Variants in VPS13D observed in about 807,000 individuals in gnomAD.
The protein encoded by VPS13D is vacuolar protein sorting 13 homolog D, also known as intermembrane lipid transfer protein VPS13D.
VPS13D carries 187 observed loss-of-function variants against 461.9 expected under a neutral mutation model. The ratio of observed to expected loss-of-function variants is 0.40; its 90% CI spans 0.36 to 0.46. VPS13D has a LOEUF of 0.46. VPS13D is among the 20% of genes least tolerant of loss of function. VPS13D has a pLI of 0.60. For synonymous variants in VPS13D, 1,951 were observed against 1,986.3 expected (o/e 0.98, Z 0.47); for missense variants, 4,711 against 5,364.9 (o/e 0.88, Z 3.81).
chr1:12,362,628 A>AC, intron 50 of VPS13D, 92 bp from the exon 51 acceptor site: 1 of 1,271,036 alleles, frequency 7.9e-7, no homozygotes, highest in Non-Finnish European at 1.1e-6. Context: ...TCTCAGAGAA[A>AC]CTAAGTAACT....
intron 54 of VPS13D, among the ~76,000 whole-genome samples, chr1:12,372,876 C>T (rs557089458): frequency 6.6e-6 from 1 of 150,926 alleles, no homozygotes; most frequent in African/African-American, 2.4e-5. Context: ...CCAAACATCC[C>T]TAAGTGTAGC....
At chr1:12,249,383 C>G in intron 6 of VPS13D, 44 bp downstream of exon 6, 1 of 1,513,444 alleles carries the variant, frequency 6.6e-7, no homozygotes, top group Non-Finnish European at 9.1e-7. Flanking sequence ...AAGCCATGCT[C>G]TAGGAATCTG....
intron 18 of VPS13D, among the ~76,000 whole-genome samples, chr1:12,273,965 CTTTA>C (rs2101347419): frequency 6.6e-6 from 1 of 151,774 alleles, no homozygotes; most frequent in East Asian, 1.9e-4. Flanking sequence ...ATTTTTAATT[CTTTA>C]TTTACCTAGA....
intron 65 of VPS13D, among the ~76,000 whole-genome samples, chr1:12,425,419 C>T (rs868474576): frequency 1.3e-5 from 2 of 151,978 alleles, no homozygotes; most frequent in Admixed American, 6.6e-5. Context: ...ATTAGCTAAG[C>T]GTGGTGGTGC....
chr1:12,428,602 T>A (rs1644954778), intron 65 of VPS13D, among the ~76,000 whole-genome samples: 3 of 152,146 alleles, frequency 2.0e-5, no homozygotes, highest in Admixed American at 2.0e-4. Flanking sequence ...GGTGCCCTTC[T>A]CTGTTTCTGG....
At chr1:12,410,660 A>G (rs911474311) in intron 63 of VPS13D, among the ~76,000 whole-genome samples, 2 of 152,230 alleles carry the variant, frequency 1.3e-5, no homozygotes, top group Admixed American at 6.5e-5. Context: ...TTTTTTAAAA[A>G]AATTATCAAA....
Position 12,299,220 on chromosome 1 carries a change from C to T in VPS13D, c.6052C>T (p.Arg2018Cys), listed in dbSNP as rs1217845854. Residue 2018 changes from arginine (R) to cysteine (C), a missense_variant, in exon 25 of 70, where the codon CGC becomes TGC. Arg to Cys is a radical substitution (Grantham distance 180). Coordinates refer to ENST00000620676, the MANE Select transcript of VPS13D (RefSeq NM_015378.4). The surrounding 1 kb of genome is among the most constrained non-coding windows in gnomAD (Gnocchi z 4.2). ...EGQTVRDQAQ[R>C]CSRVLLDIEA... ...CTTTCAGGTGAGAGATCAAGCCCAG[C>T]GCTGTTCACGGGTTCTCCTGGATAT... 8.1e-6 allele frequency: 13 copies of T among 1,611,026 alleles called. No homozygotes were observed. Among genetic ancestry groups the T allele is most frequent in the African/African-American group, 4.0e-5 (3 of 74,778 alleles).
At chr1:12,363,780 C>T (rs1465304391) in intron 52 of VPS13D, among the ~76,000 whole-genome samples, 1 of 151,638 alleles carries the variant, frequency 6.6e-6, no homozygotes, top group Non-Finnish European at 1.5e-5. Flanking sequence ...TGATGAAACC[C>T]CGTCTCTACT....
chr1:12,257,023 C>T lies in VPS13D; in HGVS notation c.877C>T (p.Leu293=), dbSNP rs1569704163. Residue 293 remains leucine (L), a synonymous_variant, in exon 9 of 70, where the codon CTG becomes TTG. Transcript: ENST00000620676. ...GCAAATCATGGAATTCCTCAAGGAG[C>T]TGGAACGAAAGGAGAGGCAGGTGAA... is the stretch of plus-strand genomic sequence containing the variant. ...YRQIMEFLKE[L]ERKERQVKFR... 1 of 1,614,130 alleles carries T rather than the reference C, an allele frequency of 6.2e-7. No homozygotes were observed. The highest frequency in any genetic ancestry group is 2.2e-5 in the East Asian group (1 of 44,880).
chr1:12,375,542 G>C (rs978240157), intron 55 of VPS13D, among the ~76,000 whole-genome samples: 2 of 152,086 alleles, frequency 1.3e-5, no homozygotes, highest in Admixed American at 1.3e-4. Context: ...TATGTTTATT[G>C]ATTTGATCAG....
chr1:12,271,664 C>T (rs80116849), intron 17 of VPS13D, among the ~76,000 whole-genome samples: 1 of 150,314 alleles, frequency 6.7e-6, no homozygotes, highest in South Asian at 2.1e-4. Flanking sequence ...GTGAGACTGT[C>T]TCAAAAAGAA....
At chr1:12,386,004 C>T (rs1223397267) in intron 59 of VPS13D, among the ~76,000 whole-genome samples, 181 bp from the exon 60 acceptor site, 1 of 152,156 alleles carries the variant, frequency 6.6e-6, no homozygotes, top group Non-Finnish European at 1.5e-5. Context: ...GAAAGCAAGG[C>T]TTCCAGTGAG....
intron 17 of VPS13D, 66 bp downstream of exon 17, chr1:12,271,190 C>A: frequency 1.3e-6 from 2 of 1,598,756 alleles, no homozygotes; most frequent in South Asian, 2.2e-5. Flanking sequence ...TCCGTCAAGT[C>A]ACTACTTACT....
intron 6 of VPS13D, among the ~76,000 whole-genome samples, chr1:12,250,129 G>A (rs1640687839): frequency 6.6e-6 from 1 of 152,220 alleles, no homozygotes; most frequent in South Asian, 2.1e-4. Context: ...GAGGATACAG[G>A]TGAATATCTA....
At chr1:12,422,553 G>A (rs1281581943) in intron 65 of VPS13D, among the ~76,000 whole-genome samples, 1 of 152,174 alleles carries the variant, frequency 6.6e-6, no homozygotes, top group African/African-American at 2.4e-5. Flanking sequence ...GAATTTGACA[G>A]AGATCTAATT....
chr1:12,402,328 A>T (rs1644592225), intron 62 of VPS13D, among the ~76,000 whole-genome samples: 1 of 152,224 alleles, frequency 6.6e-6, no homozygotes. Context: ...TCCTCATCAC[A>T]GCCTTTCCTT....
At chr1:12,284,363 G>A (rs949627206) in intron 21 of VPS13D, among the ~76,000 whole-genome samples, 1 of 152,166 alleles carries the variant, frequency 6.6e-6, no homozygotes, top group Non-Finnish European at 1.5e-5. Flanking sequence ...TCCACACAGT[G>A]TGTGGCACAC....
chr1:12,411,606 T>C (rs1321997726), intron 63 of VPS13D, among the ~76,000 whole-genome samples: 1 of 152,210 alleles, frequency 6.6e-6, no homozygotes, highest in Non-Finnish European at 1.5e-5. Flanking sequence ...TATTATTGTG[T>C]AACAAATGAC....
In VPS13D at chr1:12,293,556, A is replaced by G. The variant is rs760925174; in HGVS notation, c.5885A>G (p.Glu1962Gly). 15 of 1,613,748 alleles carry G rather than the reference A, an allele frequency of 9.3e-6. No individual in the cohort carries two copies. The highest frequency in any genetic ancestry group is 1.3e-5 in the Non-Finnish European group (15 of 1,179,840). The change falls in exon 24 of 70, where the codon GAA (glutamate) becomes GGA (glycine). Residue 1962 changes from glutamate to glycine, a missense_variant. Transcript: ENST00000620676. ...YGRPDPLLRR[E>G]HDIRVSLRMA... ...CGGCCTGACCCTCTGCTCCGGAGAGAACACGACATTCGCGTGAGCCTCCGG... is the reference window on the plus strand; with the variant it reads ...CGGCCTGACCCTCTGCTCCGGAGAGGACACGACATTCGCGTGAGCCTCCGG...
Sources: gnomAD v4.1 joint callset for allele counts (sites outside exome capture counted in the v4.1 genomes callset) on GRCh38, gnomAD v4.1.1 for gene constraint, Gnocchi (gnomAD v3.1) non-coding constraint, MANE v1.5 for transcripts, NCBI Gene and HGNC (gene_info 2026-07-23, HGNC 2026-07-21) for gene names.